GOLM2: variants seen among roughly 807,000 people sequenced by gnomAD.
The protein encoded by GOLM2 is protein GOLM2.
GOLM2 carries 26 observed loss-of-function variants against 55.9 expected under a neutral mutation model. The observed-to-expected ratio is 0.47, with a 90% CI of 0.34 to 0.65. The LOEUF (loss-of-function observed/expected upper bound fraction) is 0.65, where lower values mean the gene tolerates loss of function less well. GOLM2 is among the 30% of genes least tolerant of loss of function. The pLI, the probability that GOLM2 is intolerant of heterozygous loss-of-function variation, is 0.01. For synonymous variants in GOLM2, 165 were observed against 194.6 expected (o/e 0.85, Z 1.27); for missense variants, 486 against 531.8 (o/e 0.91, Z 0.85).
chr15:44,293,439 T>TGA lies in GOLM2; in HGVS notation c.327+4083_327+4084insGA, dbSNP rs2078735115. Among the ~76,000 whole-genome samples the TGA allele has an allele frequency of 2.0e-5, 3 of 152,360 alleles. No individual in the cohort carries two copies. In the South Asian group the frequency reaches 6.2e-4, roughly 32 times the overall value. On this transcript the variant is annotated intron_variant, in intron 1 of 9. Transcript: ENST00000299957. ...GTCCTTTTTTAATTCCAGGATCTCA[T>TGA]CCAGAGTTACGTTACATTTAGACAT...
At chr15:44,380,665 T>TAAA (rs75582759) in intron 7 of GOLM2, 141 bp from the exon 8 acceptor site, 8 of 369,956 alleles carry the variant, frequency 2.2e-5, no homozygotes, top group African/African-American at 7.6e-5. Context: ...AATAAACCTT[T>TAAA]AAAAAAAAAA....
At chr15:44,381,080 T>C (rs2079398906) in intron 8 of GOLM2, 104 bp downstream of exon 8, 1 of 650,448 alleles carries the variant, frequency 1.5e-6, no homozygotes, top group Non-Finnish European at 2.3e-6. Context: ...AGTGAAGTTA[T>C]ATATATTTAA....
At chr15:44,398,759 C>A (rs923933464) in intron 8 of GOLM2, among the ~76,000 whole-genome samples, 1 of 150,708 alleles carries the variant, frequency 6.6e-6, no homozygotes. Flanking sequence ...CTCCACCTCC[C>A]GGGTTCAAGC....
At chr15:44,313,747 T>G (rs961713778) in intron 1 of GOLM2, among the ~76,000 whole-genome samples, 1 of 152,184 alleles carries the variant, frequency 6.6e-6, no homozygotes, top group Non-Finnish European at 1.5e-5. Flanking sequence ...CAGACCAAGA[T>G]CAAATCCTTT....
In GOLM2 at chr15:44,337,816, T is replaced by C; in HGVS notation, c.630T>C (p.Asn210=). 6.2e-7 allele frequency: 1 copy of C among 1,604,078 alleles called. No homozygotes were observed. Among genetic ancestry groups the C allele is most frequent in the Non-Finnish European group, 8.5e-7 (1 of 1,177,542 alleles). ...ATGGAAAGGAATTGGATATAAACAA[T>C]CAAGTAGTACCTAAAAATATTCCAA... ...SNDGKELDIN[N]QVVPKNIPKV... is the part of the protein sequence containing the mutation. The change falls in exon 5 of 10, where the codon AAT becomes AAC. Residue 210 remains asparagine, a synonymous_variant. Coordinates refer to ENST00000299957, the MANE Select transcript of GOLM2 (RefSeq NM_138423.4).
At chr15:44,375,004 CTTTA>C (rs1449464425) in intron 6 of GOLM2, among the ~76,000 whole-genome samples, 2 of 151,952 alleles carry the variant, frequency 1.3e-5, no homozygotes, top group Non-Finnish European at 2.9e-5. Context: ...AAGAGAGCTG[CTTTA>C]TTTATTTATA....
chr15:44,311,803 C>T (rs998558135), intron 1 of GOLM2, among the ~76,000 whole-genome samples: 1 of 152,034 alleles, frequency 6.6e-6, no homozygotes, highest in African/African-American at 2.4e-5. Context: ...GTGCCCACCA[C>T]CATGCCTGGC....
At chr15:44,403,121 G>T (rs1446078904) in intron 9 of GOLM2, 67 bp downstream of exon 9, 4 of 1,576,102 alleles carry the variant, frequency 2.5e-6, no homozygotes, top group East Asian at 2.3e-5. Flanking sequence ...GGTTGAATTT[G>T]TGTAGAATTT....
chr15:44,372,436 T>G lies in GOLM2; in HGVS notation c.803-7254T>G, dbSNP rs374388348. Among the ~76,000 whole-genome samples, 34 of 152,292 alleles carry G rather than the reference T, an allele frequency of 2.2e-4. No homozygotes were observed. The East Asian group carries it at 4.2e-3, about 19-fold the overall frequency. On this transcript the variant is annotated intron_variant, in intron 6 of 9. Coordinates refer to ENST00000299957, the MANE Select transcript of GOLM2 (RefSeq NM_138423.4). ...GGAGGAAAAGGCAGGATCAGTTCTT[T>G]TTTTGCCTCTCAGAGTAGGGGCTGC...
At chr15:44,326,922 T>C (rs981271877) in intron 2 of GOLM2, among the ~76,000 whole-genome samples, 6 of 150,076 alleles carry the variant, frequency 4.0e-5, no homozygotes, top group African/African-American at 1.5e-4. Context: ...AAAGTGCTGG[T>C]ATTACAGGTG....
chr15:44,391,024 A>G (rs957465690), intron 8 of GOLM2, among the ~76,000 whole-genome samples: 1 of 152,202 alleles, frequency 6.6e-6, no homozygotes, highest in Non-Finnish European at 1.5e-5. Flanking sequence ...ATTATTAGTT[A>G]CCTAAATTGG....
chr15:44,337,709 C>A, intron 4 of GOLM2, 54 bp from the exon 5 acceptor site: 2 of 1,273,184 alleles, frequency 1.6e-6, no homozygotes, highest in Non-Finnish European at 2.2e-6. Flanking sequence ...ATAGTTGTGT[C>A]GGTGGTTTAA....
chr15:44,400,658 G>A (rs1229232161), intron 8 of GOLM2, among the ~76,000 whole-genome samples: 3 of 135,838 alleles, frequency 2.2e-5, no homozygotes, highest in Non-Finnish European at 4.6e-5. Context: ...CTCCCTGCAA[G>A]CTCTGCCTCC....
Position 44,288,903 on chromosome 15 carries a change from C to T in GOLM2, c.-127C>T, listed in dbSNP as rs1266377809. The T allele has an allele frequency of 2.4e-6, 2 of 824,426 alleles. No homozygotes were observed. The highest frequency in any genetic ancestry group is 1.8e-5 in the South Asian group (1 of 55,478). 51.1% of individuals were successfully genotyped at this position (824,426 alleles called of 1,614,324 possible). ...CCCCCTTCTCCGGCTCGCAGCCGAC[C>T]GGTAAGCCCGCCTCCTCCCTCGGCC... is the stretch of plus-strand genomic sequence containing the variant. On this transcript the variant is annotated 5_prime_UTR_variant, in exon 1 of 10. Coordinates refer to ENST00000299957, the MANE Select transcript of GOLM2 (RefSeq NM_138423.4).
intron 6 of GOLM2, among the ~76,000 whole-genome samples, chr15:44,339,042 C>A (rs556408194): frequency 1.3e-5 from 2 of 152,144 alleles, no homozygotes; most frequent in Non-Finnish European, 2.9e-5. Context: ...TAACAGCATG[C>A]CTCTACTGCT....
chr15:44,390,664 G>A (rs1239813921), intron 8 of GOLM2, among the ~76,000 whole-genome samples: 1 of 151,672 alleles, frequency 6.6e-6, no homozygotes, highest in South Asian at 2.1e-4. Flanking sequence ...CCACCTCCCA[G>A]GTTCAAGTGA....
At chr15:44,303,357 T>C (rs552877961) in intron 1 of GOLM2, among the ~76,000 whole-genome samples, 2 of 152,318 alleles carry the variant, frequency 1.3e-5, no homozygotes, top group Non-Finnish European at 2.9e-5. Flanking sequence ...GTAAAACTAC[T>C]GCTTGTCAAC....
intron 9 of GOLM2, among the ~76,000 whole-genome samples, chr15:44,404,718 TG>T (rs1317929397): frequency 6.6e-6 from 1 of 152,182 alleles, no homozygotes; most frequent in Non-Finnish European, 1.5e-5. Context: ...CCTTCCATTT[TG>T]TTTGTATCCT....
At chr15:44,341,986 G>A (rs535381771) in intron 6 of GOLM2, among the ~76,000 whole-genome samples, 4 of 151,908 alleles carry the variant, frequency 2.6e-5, no homozygotes, top group Non-Finnish European at 4.4e-5. Flanking sequence ...GTGAGCCACC[G>A]CGCCTGGCCA....
Sources: gnomAD v4.1 joint callset for allele counts (sites outside exome capture counted in the v4.1 genomes callset) on GRCh38, gnomAD v4.1.1 for gene constraint, MANE v1.5 for transcripts, NCBI Gene and HGNC (gene_info 2026-07-23, HGNC 2026-07-21) for gene names.